The following ASTN2 variants were observed in gnomAD, a reference collection of about 807,000 sequenced individuals.
ASTN2 encodes the protein astrotactin 2.
A neutral mutation model predicts 139.8 loss-of-function variants in ASTN2; 54 were observed. That is an observed-to-expected ratio of 0.39 (90% CI 0.31 to 0.48). The LOEUF is 0.48. Among genes scored for constraint, ASTN2 ranks in the 20% least tolerant of loss-of-function variants. The pLI, the probability that ASTN2 is intolerant of heterozygous loss-of-function variation, is 0.95. For synonymous variants in ASTN2, 756 were observed against 719.5 expected (o/e 1.05, Z -0.81); for missense variants, 1,565 against 1,725.1 (o/e 0.91, Z 1.64).
intron 1 of ASTN2, among the ~76,000 whole-genome samples, chr9:117,367,411 T>G (rs1829872870): frequency 6.6e-6 from 1 of 152,188 alleles, no homozygotes; most frequent in Admixed American, 6.5e-5. Context: ...ACCAGCTCTG[T>G]GACCATTTGC....
intron 2 of ASTN2, among the ~76,000 whole-genome samples, chr9:117,239,311 C>T (rs1214118047): frequency 6.6e-6 from 1 of 152,164 alleles, no homozygotes; most frequent in Non-Finnish European, 1.5e-5. Context: ...GTGGCCCCCT[C>T]CTCCCCAGAG....
chr9:116,642,534 T>G (rs1857393210), intron 17 of ASTN2, among the ~76,000 whole-genome samples: 1 of 152,104 alleles, frequency 6.6e-6, no homozygotes, highest in African/African-American at 2.4e-5. Flanking sequence ...AGCCATCTCA[T>G]ACATATACCC....
intron 19 of ASTN2, among the ~76,000 whole-genome samples, chr9:116,548,321 C>T (rs1852193888): frequency 6.6e-6 from 1 of 152,218 alleles, no homozygotes; most frequent in Non-Finnish European, 1.5e-5. Flanking sequence ...TCTGTCTGTA[C>T]TGACTCACAG....
chr9:117,065,860 G>C (rs960633289), intron 5 of ASTN2, among the ~76,000 whole-genome samples: 1 of 152,004 alleles, frequency 6.6e-6, no homozygotes, highest in Non-Finnish European at 1.5e-5. Context: ...CCAGCTTTGG[G>C]GTCAAATAGG....
chr9:117,101,887 T>C (rs148070456), intron 4 of ASTN2, among the ~76,000 whole-genome samples: 1 of 152,282 alleles, frequency 6.6e-6, no homozygotes, highest in East Asian at 1.9e-4. Flanking sequence ...TAGCAGATGT[T>C]GGTGAGGTTG....
intron 19 of ASTN2, among the ~76,000 whole-genome samples, chr9:116,508,497 T>G (rs1850211816): frequency 6.6e-6 from 1 of 152,162 alleles, no homozygotes; most frequent in Non-Finnish European, 1.5e-5. Flanking sequence ...TGTGTGTGTG[T>G]GTGTGTACTA....
chr9:116,826,233 C>T (rs2132277357), intron 11 of ASTN2, among the ~76,000 whole-genome samples: 1 of 152,222 alleles, frequency 6.6e-6, no homozygotes, highest in Admixed American at 6.5e-5. Flanking sequence ...AGGACAATAC[C>T]CACTGCCCTG....
chr9:117,252,238 T>C (rs1588134856), intron 2 of ASTN2, among the ~76,000 whole-genome samples: 1 of 152,202 alleles, frequency 6.6e-6, no homozygotes, highest in African/African-American at 2.4e-5. Flanking sequence ...CCCCCGAAAG[T>C]GAATTCTTCC....
intron 2 of ASTN2, among the ~76,000 whole-genome samples, chr9:117,230,531 C>A (rs964146485): frequency 6.6e-6 from 1 of 152,144 alleles, no homozygotes; most frequent in Non-Finnish European, 1.5e-5. Flanking sequence ...TCTATAAATA[C>A]CTTATTTCCA....
intron 20 of ASTN2, among the ~76,000 whole-genome samples, chr9:116,483,799 T>A (rs910326154): frequency 6.6e-6 from 1 of 152,154 alleles, no homozygotes; most frequent in Non-Finnish European, 1.5e-5. Context: ...TAGGATCTCA[T>A]GCACCTTGAT....
At chr9:116,851,389 G>T (rs1201666117) in intron 11 of ASTN2, among the ~76,000 whole-genome samples, 1 of 152,088 alleles carries the variant, frequency 6.6e-6, no homozygotes, top group African/African-American at 2.4e-5. Context: ...GTTTAGGTGA[G>T]AATTGCTTAA....
intron 10 of ASTN2, among the ~76,000 whole-genome samples, chr9:116,896,827 T>C (rs955150181): frequency 6.6e-6 from 1 of 152,132 alleles, no homozygotes; most frequent in African/African-American, 2.4e-5. Flanking sequence ...GAGAACAGCA[T>C]GGGGACACCA....
At chr9:117,197,801 T>C (rs1384341716) in intron 3 of ASTN2, among the ~76,000 whole-genome samples, 6 of 152,210 alleles carry the variant, frequency 3.9e-5, no homozygotes, top group Admixed American at 6.5e-5. Context: ...GAAAGGTCTT[T>C]ATTTCATGTT....
At chr9:117,274,240 C>T (rs1278827480) in intron 2 of ASTN2, among the ~76,000 whole-genome samples, 1 of 152,164 alleles carries the variant, frequency 6.6e-6, no homozygotes, top group Non-Finnish European at 1.5e-5. Flanking sequence ...ATCCCAGCTA[C>T]TCAGGAGGCT....
chr9:116,715,453 C>T (rs62574193), intron 16 of ASTN2, among the ~76,000 whole-genome samples: 17,724 of 152,114 alleles, frequency 0.12, 1,185 homozygotes, highest in Middle Eastern at 0.18. Context: ...TGTCTCCTTG[C>T]GTGGAGTCTC....
intron 6 of ASTN2, among the ~76,000 whole-genome samples, chr9:117,039,587 A>G (rs1421213960): frequency 6.6e-6 from 1 of 152,120 alleles, no homozygotes; most frequent in Non-Finnish European, 1.5e-5. Context: ...CCCCAAACTT[A>G]GAGTAAAAGG....
chr9:117,221,847 G>GA (rs57161095), intron 2 of ASTN2, among the ~76,000 whole-genome samples: 70,656 of 144,802 alleles, frequency 0.49, 16,918 homozygotes, highest in East Asian at 0.63. Flanking sequence ...AGTGTTAGAA[G>GA]AAAAAAAAAA....
At chr9:117,032,794 T>C (rs1169480881) in intron 6 of ASTN2, among the ~76,000 whole-genome samples, 6 of 152,154 alleles carry the variant, frequency 3.9e-5, no homozygotes, top group African/African-American at 1.2e-4. Context: ...TAGTGAACCA[T>C]GCCATCCCAA....
chr9:116,699,841 C>CCAT lies in ASTN2; in HGVS notation c.2806+25927_2806+25929dup. Reference sequence around the variant, plus strand: ...GGGTAGTTCTAGAACTTCAGAAGCTCCATCTTTTAATGTTTTTATTTGTTA... The same window carrying CCAT: ...GGGTAGTTCTAGAACTTCAGAAGCTCCATCATCTTTTAATGTTTTTATTTGTTA... On this transcript the variant is annotated intron_variant, in intron 16 of 22. Transcript: ENST00000313400. The surrounding 1 kb of genome is among the most constrained non-coding windows in gnomAD (Gnocchi z 4.2). 1 of 1,151,530 alleles carries CCAT rather than the reference C, an allele frequency of 8.7e-7. No individual in the cohort carries two copies. Among genetic ancestry groups the CCAT allele is most frequent in the Non-Finnish European group, 1.2e-6 (1 of 803,250 alleles). 71.3% of individuals were successfully genotyped at this position (1,151,530 alleles called of 1,614,324 possible).
Sources: allele counts gnomAD v4.1 joint callset (sites outside exome capture counted in the v4.1 genomes callset), GRCh38; gene constraint gnomAD v4.1.1; non-coding constraint Gnocchi (gnomAD v3.1); transcripts MANE v1.5; gene names NCBI Gene and HGNC (gene_info 2026-07-23, HGNC 2026-07-21).